The following NBPF26 variants were observed in gnomAD, a reference collection of about 807,000 sequenced individuals.
NBPF26 encodes the protein NBPF member 26, also known as NBPF family member NBPF26.
NBPF26 carries 79 observed loss-of-function variants against 119.6 expected under a neutral mutation model. That is an observed-to-expected ratio of 0.66 (90% CI 0.55 to 0.80). The LOEUF (loss-of-function observed/expected upper bound fraction) is 0.80. NBPF26 is among the 30% of genes least tolerant of loss of function. The probability of loss-of-function intolerance (pLI) is 0.00; values close to 1 mark genes in which losing one functional copy is unlikely to be tolerated. For synonymous variants in NBPF26, 299 were observed against 457.7 expected, an observed-to-expected ratio of 0.65 and a Z score of 4.43; for missense variants, 800 against 1,198.2, an observed-to-expected ratio of 0.67 and a Z score of 4.91.
At position 120,795,858 on chromosome 1, in the gene NBPF26, C is replaced by T. The variant is rs1481546938; in HGVS notation, c.751+2362C>T. Among the ~76,000 whole-genome samples the T allele has an allele frequency of 3.7e-3, 56 of 14,942 alleles. 9 individuals are homozygous for T. The highest frequency in any genetic ancestry group is 0.019 in the African/African-American group (47 of 2,418). 9.8% of individuals were successfully genotyped at this position (14,942 alleles called of 152,430 possible). On this transcript the variant is annotated intron_variant, in intron 4 of 29. Transcript: ENST00000620612. ...GCTGTTTGGGTTAAAAATATATGTTCATGTTATAAGAAAACCAAGACACTC... is the reference window on the plus strand; with the variant it reads ...GCTGTTTGGGTTAAAAATATATGTTTATGTTATAAGAAAACCAAGACACTC...
At chr1:120,812,909 C>A (rs1199573720) in intron 10 of NBPF26, among the ~76,000 whole-genome samples, 1 of 102,418 alleles carries the variant, frequency 9.8e-6, no homozygotes, top group African/African-American at 5.9e-5. Flanking sequence ...GGCGACAGGG[C>A]AAGACTGCTA....
chr1:120,778,472 A>G (rs2101439312), intron 2 of NBPF26, among the ~76,000 whole-genome samples: 1 of 106,480 alleles, frequency 9.4e-6, no homozygotes, highest in South Asian at 2.7e-4. Flanking sequence ...TTCGTTCCAC[A>G]TTCTGTATAG....
intron 7 of NBPF26, among the ~76,000 whole-genome samples, chr1:120,809,565 G>C (rs2101502015): frequency 6.6e-6 from 1 of 152,076 alleles, no homozygotes; most frequent in Admixed American, 6.5e-5. Flanking sequence ...CAAGCCTCCA[G>C]TGATATGGGA....
chr1:120,815,096 C>G (rs1571040272), intron 12 of NBPF26, 53 bp downstream of exon 12: 1 of 1,241,152 alleles, frequency 8.1e-7, no homozygotes, highest in Admixed American at 1.9e-5. Flanking sequence ...ATGAGAGACT[C>G]CAGACCTCCA....
chr1:120,764,275 A>AT (rs1380761151), intron 2 of NBPF26, among the ~76,000 whole-genome samples: 1 of 107,680 alleles, frequency 9.3e-6, no homozygotes, highest in Non-Finnish European at 1.7e-5. Context: ...TATATAAAAA[A>AT]ATATATATTA....
In NBPF26 at chr1:120,724,256, T is replaced by C; in HGVS notation, c.73+6T>C. 2.9e-6 allele frequency: 4 copies of C among 1,397,112 alleles called. 1 individual carries two copies. The highest frequency in any genetic ancestry group is 2.1e-5 in the Admixed American group (1 of 47,176). The allele number at this position is 1,397,112 out of a possible 1,614,324, so 86.5% of individuals were successfully genotyped here. ...CTGGGCGGCCCCCGCGCATGGTGAGTATCGGGCTGAGGGGCGCTGTCCGCG... is the reference window on the plus strand; with the variant it reads ...CTGGGCGGCCCCCGCGCATGGTGAGCATCGGGCTGAGGGGCGCTGTCCGCG... On this transcript the variant is annotated splice_donor_region_variant and intron_variant, in intron 1 of 29. Transcript: ENST00000620612.
intron 22 of NBPF26, among the ~76,000 whole-genome samples, chr1:120,832,628 A>C (rs1278256712): frequency 1.6e-5 from 2 of 121,338 alleles, no homozygotes; most frequent in African/African-American, 9.2e-5. Flanking sequence ...CTGTTTGCAC[A>C]AACTTGGGAC....
intron 2 of NBPF26, among the ~76,000 whole-genome samples, chr1:120,764,242 G>A (rs1238277435): frequency 1.3e-4 from 15 of 113,376 alleles, no homozygotes; most frequent in South Asian, 5.1e-4. Context: ...GCAAGACTCC[G>A]TCTCAAAAAG....
chr1:120,822,025 T>A, intron 15 of NBPF26, 79 bp from the exon 16 acceptor site: 1 of 1,410,456 alleles, frequency 7.1e-7, no homozygotes, highest in Non-Finnish European at 9.5e-7. Flanking sequence ...CTGTCTCCCA[T>A]CAGATCATCT....
Position 120,763,669 on chromosome 1 carries a change from G to A in NBPF26, c.115G>A (p.Gly39Arg). 3 of 1,419,392 alleles carry A rather than the reference G, an allele frequency of 2.1e-6. 1 individual carries two copies. Among genetic ancestry groups the A allele is most frequent in the South Asian group, 1.2e-5 (1 of 82,546 alleles). The allele number at this position is 1,419,392 out of a possible 1,614,324, so 87.9% of individuals were successfully genotyped here. Residue 39 changes from glycine (G) to arginine (R), a missense_variant, in exon 2 of 30, where the codon GGA (glycine) becomes AGA (arginine). Gly to Arg is a moderately radical substitution (Grantham distance 125, BLOSUM62 -2). This residue lies in a region of NBPF26 where 209 missense variants were observed against 285.2 expected (regional missense o/e 0.73). Transcript: ENST00000620612. ...TGGCTATGAACCCTGTGTAAATAAAGGAATGTGTGTTACCTACCACAGTGG... is the reference window on the plus strand; with the variant it reads ...TGGCTATGAACCCTGTGTAAATAAAAGAATGTGTGTTACCTACCACAGTGG...
chr1:120,793,292 G>A, exon 4 of NBPF26: 2 of 1,395,510 alleles, frequency 1.4e-6, no homozygotes, highest in Admixed American at 2.0e-5. Flanking sequence ...TGAGACTGAT[G>A]TCAATGAGTG....
chr1:120,818,156 A>C lies in NBPF26; in HGVS notation c.2405A>C (p.Lys802Thr), dbSNP rs1482374193. ...AGTGATGATGAGGAAGAGGAAGAAA[A>C]AGGACCAGTGTCTCCCAGGTAATGT... is the stretch of plus-strand genomic sequence containing the variant. Residue 802 changes from lysine (K) to threonine (T), a missense_variant, in exon 15 of 30, where the codon AAA becomes ACA. By Grantham distance (78) the Lys-to-Thr change is moderately conservative. Transcript: ENST00000620612. 31 of 510,560 alleles carry C rather than the reference A, an allele frequency of 6.1e-5. 5 individuals carry two copies. In the Admixed American group the frequency reaches 1.1e-3, roughly 18 times the overall value. 31.6% of individuals were successfully genotyped at this position (510,560 alleles called of 1,614,324 possible).
At chr1:120,840,759 G>A (rs1652503741), downstream of NBPF26, 1 of 1,075,432 alleles carries the variant, frequency 9.3e-7, no homozygotes, top group South Asian at 1.6e-5. Flanking sequence ...CCTGTGCTCA[G>A]TCTGAAGACA....
rs1215759103 is a variant in NBPF26 at position 120,785,182 on chromosome 1, C to A, written c.364C>A (p.His122Asn). The A allele has an allele frequency of 9.2e-5, 133 of 1,445,540 alleles. 34 individuals are homozygous for A. The highest frequency in any genetic ancestry group is 9.9e-5 in the Non-Finnish European group (107 of 1,081,652). 89.5% of individuals were successfully genotyped at this position (1,445,540 alleles called of 1,614,324 possible). The change falls in exon 3 of 30, where the codon CAT (histidine) becomes AAT (asparagine). Residue 122 changes from histidine (H) to asparagine (N), a missense_variant. Transcript: ENST00000620612. Reference sequence around the variant, plus strand: ...ACCTTGCCTGAATGGCGGCACATGCCATATGCTCAGCCGGGATACCTATGA... The same window carrying A: ...ACCTTGCCTGAATGGCGGCACATGCAATATGCTCAGCCGGGATACCTATGA...
intron 1 of NBPF26, among the ~76,000 whole-genome samples, chr1:120,756,499 A>T (rs1651081616): frequency 8.5e-6 from 1 of 117,160 alleles, no homozygotes; most frequent in Non-Finnish European, 1.6e-5. Context: ...GCAGATAGGG[A>T]GAAGGATATG....
chr1:120,735,341 A>G lies in NBPF26; in HGVS notation c.73+11091A>G, dbSNP rs1397221829. On this transcript the variant is annotated intron_variant, in intron 1 of 29. Coordinates refer to ENST00000620612, the Ensembl canonical transcript of NBPF26. The stretch of plus-strand genomic sequence containing the variant: ...CAGCCTCCCAAAGTGCTGGGATTAC[A>G]GGCGTGAGCCACCGTGCCTGGTCCT... Among the ~76,000 whole-genome samples, 2 of 82,872 alleles carry G rather than the reference A, an allele frequency of 2.4e-5. 1 individual carries two copies. The allele number at this position is 82,872 out of a possible 152,430, so 54.4% of individuals were successfully genotyped here. A position where few individuals can be genotyped will look rare whatever the true frequency, so the allele number is the denominator to read the frequency against.
intron 17 of NBPF26, 105 bp downstream of exon 17, chr1:120,823,465 C>A (rs1357387916): frequency 7.0e-6 from 5 of 712,384 alleles, no homozygotes; most frequent in Non-Finnish European, 9.4e-6. Flanking sequence ...TCTTGTCAGA[C>A]AAGTCTGAAT....
chr1:120,779,512 G>A (rs1377535261), intron 2 of NBPF26, among the ~76,000 whole-genome samples: 2 of 119,172 alleles, frequency 1.7e-5, no homozygotes, highest in African/African-American at 7.8e-5. Context: ...AGACATTGAA[G>A]AGACAGTTAT....
chr1:120,752,519 A>AAT (rs1204399606), intron 1 of NBPF26, among the ~76,000 whole-genome samples: 337 of 14,680 alleles, frequency 0.023, 11 homozygotes, highest in African/African-American at 0.062. Flanking sequence ...GAAGTTCAGG[A>AAT]ATATATATAT....
Sources: gnomAD v4.1 joint callset for allele counts (sites outside exome capture counted in the v4.1 genomes callset) on GRCh38, gnomAD v4.1.1 for gene constraint, gnomAD v4.1.1 regional missense constraint, MANE v1.5 for transcripts, NCBI Gene and HGNC (gene_info 2026-07-23, HGNC 2026-07-21) for gene names.